Variants in LRRTM4 observed in about 807,000 individuals in gnomAD.
LRRTM4 encodes the protein leucine-rich repeat transmembrane neuronal protein 4.
A neutral mutation model predicts 47.6 loss-of-function variants in LRRTM4; 25 were observed. That is an observed-to-expected ratio of 0.53 (90% CI 0.38 to 0.73). The LOEUF (loss-of-function observed/expected upper bound fraction) is 0.73, where lower values mean the gene tolerates loss of function less well. LRRTM4 is among the 30% of genes least tolerant of loss of function. The probability of loss-of-function intolerance (pLI) is 0.00; values close to 1 mark genes in which losing one functional copy is unlikely to be tolerated. For synonymous variants in LRRTM4, 311 were observed against 269.5 expected (o/e 1.15, Z -1.51); for missense variants, 638 against 713.4 (o/e 0.89, Z 1.20).
chr2:77,446,837 A>G (rs144244732), intron 3 of LRRTM4, among the ~76,000 whole-genome samples: 260 of 152,274 alleles, frequency 1.7e-3, no homozygotes, highest in African/African-American at 6.1e-3. Flanking sequence ...CTAGTATAAG[A>G]AAGTAATGTA....
At chr2:77,040,405 G>T (rs1678987056) in intron 3 of LRRTM4, among the ~76,000 whole-genome samples, 2 of 151,198 alleles carry the variant, frequency 1.3e-5, no homozygotes, top group South Asian at 4.2e-4. Flanking sequence ...CTTGAATAAG[G>T]TCATATCATA....
intron 3 of LRRTM4, among the ~76,000 whole-genome samples, chr2:77,336,689 C>T (rs951378232): frequency 7.2e-5 from 11 of 152,208 alleles, no homozygotes; most frequent in African/African-American, 2.6e-4. Context: ...AAACCCTCAA[C>T]AAACCTGGCT....
At chr2:77,140,807 T>C (rs992426072) in intron 3 of LRRTM4, among the ~76,000 whole-genome samples, 151 of 152,116 alleles carry the variant, frequency 9.9e-4, no homozygotes, top group Non-Finnish European at 1.8e-3. Context: ...AAAAAGTGGG[T>C]GAAGGATATG....
intron 3 of LRRTM4, among the ~76,000 whole-genome samples, chr2:76,992,333 C>T (rs1233991411): frequency 6.6e-6 from 1 of 151,274 alleles, no homozygotes; most frequent in East Asian, 1.9e-4. Flanking sequence ...ATAGAAAAAG[C>T]AATCAAACTA....
intron 3 of LRRTM4, among the ~76,000 whole-genome samples, chr2:77,003,789 C>T (rs757699525): frequency 1.3e-5 from 2 of 151,358 alleles, no homozygotes; most frequent in African/African-American, 2.5e-5. Flanking sequence ...GCAGAGGTTG[C>T]AACAGATTGG....
chr2:77,350,103 A>G (rs1317814400), intron 3 of LRRTM4, among the ~76,000 whole-genome samples: 6 of 150,898 alleles, frequency 4.0e-5, no homozygotes, highest in Admixed American at 1.3e-4. Flanking sequence ...CGGGTGGATC[A>G]TGAGGTCAGG....
At position 76,748,407 on chromosome 2, in the gene LRRTM4, T is replaced by C. The variant is rs1672719445; in HGVS notation, c.*288A>G. On this transcript the variant is annotated 3_prime_UTR_variant, in exon 4 of 4. Coordinates refer to ENST00000409884, the MANE Select transcript of LRRTM4 (RefSeq NM_001134745.3). ...ACCTATATGTAGCTAGGGTGAAATC[T>C]ATTTTTATAAGAACTTGACACTCTT... 2.5e-6 allele frequency: 1 copy of C among 403,666 alleles called. No homozygotes were observed. The highest frequency in any genetic ancestry group is 2.9e-5 in the South Asian group (1 of 34,700). 25.0% of individuals were successfully genotyped at this position (403,666 alleles called of 1,614,324 possible). A position where few individuals can be genotyped will look rare whatever the true frequency, so the allele number is the denominator to read the frequency against.
At chr2:77,209,945 C>T (rs1378459853) in intron 3 of LRRTM4, among the ~76,000 whole-genome samples, 1 of 152,096 alleles carries the variant, frequency 6.6e-6, no homozygotes, top group African/African-American at 2.4e-5. Flanking sequence ...TCTTTGACTC[C>T]TGGGTTCAAA....
Position 77,353,458 on chromosome 2 carries a change from AT to A in LRRTM4, c.1551+164859del, listed in dbSNP as rs550699594. ...TTTTCTATTGTATGGCTAACTCATA[AT>A]ACAAAAATCTATTACCTATTATTAG... On this transcript the variant is annotated intron_variant, in intron 3 of 3. Transcript: ENST00000409884. Among the ~76,000 whole-genome samples, 32 of 152,282 alleles carry A rather than the reference AT, an allele frequency of 2.1e-4. No individual in the cohort carries two copies. In the East Asian group the frequency reaches 5.8e-3, roughly 28 times the overall value.
intron 3 of LRRTM4, among the ~76,000 whole-genome samples, chr2:77,002,563 T>C (rs966641050): frequency 1.1e-4 from 17 of 152,236 alleles, no homozygotes; most frequent in South Asian, 1.0e-3. Context: ...CCTCAAACAA[T>C]CTATTCTTTT....
chr2:77,031,727 A>C (rs199802712), intron 3 of LRRTM4, among the ~76,000 whole-genome samples: 1 of 90,918 alleles, frequency 1.1e-5, no homozygotes, highest in African/African-American at 3.3e-5. Flanking sequence ...ATCTCTAACT[A>C]TATCTTTGTG....
chr2:77,360,548 TCATA>T (rs34364581), intron 3 of LRRTM4, among the ~76,000 whole-genome samples: 29,721 of 137,734 alleles, frequency 0.22, 3,421 homozygotes, highest in East Asian at 0.35. Context: ...ATACAATCAT[TCATA>T]CATACATACA....
At chr2:76,811,995 A>G (rs1670747834) in intron 3 of LRRTM4, among the ~76,000 whole-genome samples, 1 of 152,176 alleles carries the variant, frequency 6.6e-6, no homozygotes, top group Admixed American at 6.5e-5. Context: ...TATACTAAAT[A>G]TGTTTCCTAA....
At chr2:76,989,942 C>T (rs962432458) in intron 3 of LRRTM4, 1 of 151,652 alleles carries the variant, frequency 6.6e-6, no homozygotes, top group African/African-American at 2.4e-5. Flanking sequence ...TAACTGCTGG[C>T]TATTTACTTA....
chr2:77,235,341 G>C (rs6744523), intron 3 of LRRTM4, among the ~76,000 whole-genome samples: 1 of 152,014 alleles, frequency 6.6e-6, no homozygotes, highest in African/African-American at 2.4e-5. Context: ...CTTCTGAGAA[G>C]TATCTGTTCA....
intron 3 of LRRTM4, among the ~76,000 whole-genome samples, chr2:77,000,626 C>T (rs1016721569): frequency 6.6e-6 from 1 of 152,144 alleles, no homozygotes; most frequent in Non-Finnish European, 1.5e-5. Context: ...CTTTATTGTC[C>T]TTTCAGTTTG....
chr2:77,340,905 A>G (rs1573280631), intron 3 of LRRTM4, among the ~76,000 whole-genome samples: 1 of 152,000 alleles, frequency 6.6e-6, no homozygotes, highest in African/African-American at 2.4e-5. Flanking sequence ...TTAACAGTGC[A>G]TATCACACAA....
At chr2:76,837,518 G>C (rs914521863) in intron 3 of LRRTM4, among the ~76,000 whole-genome samples, 1 of 152,020 alleles carries the variant, frequency 6.6e-6, no homozygotes, top group Non-Finnish European at 1.5e-5. Flanking sequence ...TGGGCATTTA[G>C]TGCTATAAAT....
chr2:77,021,299 G>C (rs6547118), intron 3 of LRRTM4, among the ~76,000 whole-genome samples: 67,013 of 151,834 alleles, frequency 0.44, 14,962 homozygotes, highest in East Asian at 0.53. Context: ...GGTGCAGAGA[G>C]AGTATGACCA....
Sources: gnomAD v4.1 joint callset for allele counts (sites outside exome capture counted in the v4.1 genomes callset) on GRCh38, gnomAD v4.1.1 for gene constraint, MANE v1.5 for transcripts, NCBI Gene and HGNC (gene_info 2026-07-23, HGNC 2026-07-21) for gene names.